The following RFPL1 variants were observed in gnomAD, a reference collection of about 807,000 sequenced individuals.
The protein encoded by RFPL1 is ret finger protein-like 1.
Under a neutral mutation model 9.6 loss-of-function variants are expected in RFPL1, and 6 were observed. That is an observed-to-expected ratio of 0.62 (90% CI 0.34 to 1.23). The LOEUF is 1.23. Among genes scored for constraint, RFPL1 ranks in the 50% most tolerant of loss-of-function variants. The pLI is 0.03. For missense variants in RFPL1, 352 were observed against 398.4 expected, an observed-to-expected ratio of 0.88 and a Z score of 0.99; for synonymous variants, 145 against 149.4, an observed-to-expected ratio of 0.97 and a Z score of 0.22.
At chr22:29,419,736 A>C in the RFPL1 span, among the ~76,000 whole-genome samples, 3 of 149,950 alleles carry the variant, frequency 2.0e-5, no homozygotes, top group African/African-American at 7.4e-5. Flanking sequence ...CCAGAGGTCG[A>C]GGCTGCCATG....
upstream of RFPL1, among the ~76,000 whole-genome samples, chr22:29,434,272 T>C (rs964756703): frequency 6.6e-6 from 1 of 152,368 alleles, no homozygotes; most frequent in South Asian, 2.1e-4. Flanking sequence ...GGTTTCTGCC[T>C]TCATGGATCT....
At chr22:29,423,148 T>G in the RFPL1 span, 7 of 1,517,942 alleles carry the variant, frequency 4.6e-6, no homozygotes, top group Admixed American at 1.7e-5. Context: ...GGTGAAATAT[T>G]TTGAGTCAGT....
At chr22:29,420,206 A>G in the RFPL1 span, among the ~76,000 whole-genome samples, 1 of 152,368 alleles carries the variant, frequency 6.6e-6, no homozygotes, top group Admixed American at 6.5e-5. Flanking sequence ...GCATGAAATC[A>G]ATTGTTCTGA....
chr22:29,419,079 G>T, the RFPL1 span: 1 of 788,766 alleles, frequency 1.3e-6, no homozygotes, highest in South Asian at 1.4e-5. Flanking sequence ...CTAAAGGAGA[G>T]ACTGAAGTGG....
chr22:29,434,380 G>A (rs2062798871), upstream of RFPL1: 7 of 152,816 alleles, frequency 4.6e-5, no homozygotes, highest in Admixed American at 4.6e-4. Context: ...GAAATTCTAC[G>A]GAATCAGGGA....
chr22:29,415,887 G>A, the RFPL1 span, among the ~76,000 whole-genome samples: 1 of 152,194 alleles, frequency 6.6e-6, no homozygotes, highest in Non-Finnish European at 1.5e-5. Flanking sequence ...TAGGGTGGGG[G>A]TTAATCTTCA....
the RFPL1 span, among the ~76,000 whole-genome samples, chr22:29,390,964 A>C: frequency 1.4e-5 from 2 of 143,506 alleles, no homozygotes; most frequent in African/African-American, 2.6e-5. Context: ...ACACAGTGAA[A>C]CCCCGTCTCT....
chr22:29,410,403 ATATC>A, the RFPL1 span, among the ~76,000 whole-genome samples: 6 of 96,004 alleles, frequency 6.2e-5, no homozygotes, highest in Non-Finnish European at 9.5e-5. Context: ...TTGTAGATAT[ATATC>A]TATATATATA....
upstream of RFPL1, among the ~76,000 whole-genome samples, chr22:29,435,499 G>A (rs2146363661): frequency 6.6e-6 from 1 of 152,268 alleles, no homozygotes; most frequent in East Asian, 1.9e-4. Context: ...TTTACATGTG[G>A]TTGTGGAGTG....
chr22:29,437,223 A>C (rs2062812751), upstream of RFPL1: 1 of 161,350 alleles, frequency 6.2e-6, no homozygotes, highest in Non-Finnish European at 1.4e-5. Flanking sequence ...AAAATAAATA[A>C]AAATTCCCTA....
At chr22:29,418,506 T>G in the RFPL1 span, among the ~76,000 whole-genome samples, 1 of 148,304 alleles carries the variant, frequency 6.7e-6, no homozygotes, top group Non-Finnish European at 1.5e-5. Flanking sequence ...CTTTTTTTTT[T>G]TTTTTTTTTT....
chr22:29,432,833 A>G, the RFPL1 span: 1 of 152,272 alleles, frequency 6.6e-6, no homozygotes, highest in Non-Finnish European at 1.5e-5. Context: ...GATTGTTTAT[A>G]GCAGGCACTG....
chr22:29,420,892 T>C, the RFPL1 span, among the ~76,000 whole-genome samples: 73,378 of 151,584 alleles, frequency 0.48, 18,431 homozygotes, highest in African/African-American at 0.63. Context: ...CCACCTGCCT[T>C]GGCCTCCCAA....
chr22:29,415,810 G>C, the RFPL1 span, among the ~76,000 whole-genome samples: 2 of 152,246 alleles, frequency 1.3e-5, no homozygotes, highest in Non-Finnish European at 2.9e-5. Flanking sequence ...TACGTGACTA[G>C]GTGGGGGTAA....
At chr22:29,389,953 C>T in the RFPL1 span, among the ~76,000 whole-genome samples, 1 of 151,934 alleles carries the variant, frequency 6.6e-6, no homozygotes, top group Non-Finnish European at 1.5e-5. Flanking sequence ...CATGCACCAC[C>T]GTGCCCAGCT....
At chr22:29,398,174 G>A in the RFPL1 span, among the ~76,000 whole-genome samples, 1 of 152,182 alleles carries the variant, frequency 6.6e-6, no homozygotes, top group Non-Finnish European at 1.5e-5. Context: ...GCTGGAGATG[G>A]CAGGCCTCAG....
chr22:29,438,966 G>A, exon 1 of RFPL1: 1 of 1,613,968 alleles, frequency 6.2e-7, no homozygotes, highest in Non-Finnish European at 8.5e-7. Flanking sequence ...TGGATGCGCT[G>A]TCTGCTTCAA....
chr22:29,431,105 C>T, the RFPL1 span, among the ~76,000 whole-genome samples: 6 of 151,996 alleles, frequency 3.9e-5, no homozygotes, highest in African/African-American at 1.5e-4. Context: ...GTAAGTGGAG[C>T]TCACTCAAAA....
chr22:29,442,337 T>A, exon 2 of RFPL1: 1 of 394,114 alleles, frequency 2.5e-6, no homozygotes, highest in Admixed American at 4.0e-5. Context: ...ATGGTTCACA[T>A]CTTGTTTCCT....
Sources: allele counts gnomAD v4.1 joint callset (sites outside exome capture counted in the v4.1 genomes callset), GRCh38; gene constraint gnomAD v4.1.1; transcripts MANE v1.5; gene names NCBI Gene and HGNC (gene_info 2026-07-23, HGNC 2026-07-21).